NFKBIB: variants seen among roughly 807,000 people sequenced by gnomAD.
NFKBIB encodes NF-kappa-B inhibitor beta.
A neutral mutation model predicts 32.1 loss-of-function variants in NFKBIB; 16 were observed. The ratio of observed to expected loss-of-function variants is 0.50; its 90% CI spans 0.34 to 0.76. The LOEUF is 0.76. Among genes scored for constraint, NFKBIB ranks in the 30% least tolerant of loss-of-function variants. The pLI is 0.01. For missense variants in NFKBIB, 437 were observed against 514.9 expected, an observed-to-expected ratio of 0.85 and a Z score of 1.46; for synonymous variants, 222 against 219.5, an observed-to-expected ratio of 1.01 and a Z score of -0.10.
chr19:38,901,979 A>G (rs1973979395), intron 1 of NFKBIB, among the ~76,000 whole-genome samples: 1 of 149,140 alleles, frequency 6.7e-6, no homozygotes, highest in Non-Finnish European at 1.5e-5. Flanking sequence ...TATTCTACTT[A>G]CCTATGTTTT....
chr19:38,905,981 C>T lies in NFKBIB; in HGVS notation c.619+446C>T. ...ATGGGAAGAAGGGCTCATCTGCCCA[C>T]AGCCCTGACATCCAAGTTTCTGCTC... On this transcript the variant is annotated intron_variant, in intron 3 of 5. Transcript: ENST00000313582. This position sits in a 1 kb window ranked among gnomAD's most constrained non-coding sequence, Gnocchi z 5.5. Among the ~76,000 whole-genome samples the T allele has an allele frequency of 6.6e-6, 1 of 152,132 alleles. No homozygotes were observed. Among genetic ancestry groups the T allele is most frequent in the African/African-American group, 2.4e-5 (1 of 41,418 alleles).
chr19:38,900,069 GCAGATGA>G lies in NFKBIB; in HGVS notation c.38_44del (p.Ala13AspfsTer52). 6.6e-7 allele frequency: 1 copy of G among 1,514,310 alleles called. No homozygotes were observed. Among genetic ancestry groups the G allele is most frequent in the South Asian group, 1.2e-5 (1 of 80,790 alleles). The allele number at this position is 1,514,310 out of a possible 1,614,324, so 93.8% of individuals were successfully genotyped here. Reference sequence around the variant, plus strand: ...CGCGTGCTTGGGAAAAGCTGCCGACGCAGATGAATGGTGCGACAGCGGCCTGGGCTCC... The same window carrying G: ...CGCGTGCTTGGGAAAAGCTGCCGACGATGGTGCGACAGCGGCCTGGGCTCC... On this transcript the variant is annotated frameshift_variant, in exon 1 of 6. Transcript: ENST00000313582. LOFTEE classifies it high-confidence loss of function.
In NFKBIB at chr19:38,907,605, C is replaced by G. The variant is rs35941401; in HGVS notation, c.915C>G (p.Asp305Glu). ...GAGCCCCTGAGCCCGAGGGCGAGGACGAGAAATCCGGCCCCTGCAGCAGCA... is the reference window on the plus strand; with the variant it reads ...GAGCCCCTGAGCCCGAGGGCGAGGAGGAGAAATCCGGCCCCTGCAGCAGCA... ...AHGAPEPEGE[D>E]EKSGPCSSSS... Residue 305 changes from aspartate (D) to glutamate (E), a missense_variant, in exon 5 of 6, where the codon GAC becomes GAG. Transcript: ENST00000313582. 1.6e-5 allele frequency: 25 copies of G among 1,611,646 alleles called. No individual in the cohort carries two copies. The highest frequency in any genetic ancestry group is 2.1e-5 in the Non-Finnish European group (25 of 1,179,392).
intron 1 of NFKBIB, among the ~76,000 whole-genome samples, chr19:38,902,576 T>C (rs1974003656): frequency 2.3e-5 from 1 of 43,542 alleles, no homozygotes; most frequent in African/African-American, 6.4e-5. Context: ...GGCTTTTGTA[T>C]GGTTGTGAGC....
At position 38,907,815 on chromosome 19, in the gene NFKBIB, T is replaced by C. The variant is rs182337122; in HGVS notation, c.969+156T>C. The C allele has an allele frequency of 7.2e-4, 1,032 of 1,430,472 alleles. 17 individuals carry two copies. In the East Asian group the frequency reaches 0.015, roughly 20 times the overall value. The allele number at this position is 1,430,472 out of a possible 1,614,324, so 88.6% of individuals were successfully genotyped here. A position where few individuals can be genotyped will look rare whatever the true frequency, so the allele number is the denominator to read the frequency against. ...CACGGGGCACTAGTCAGGAGAGACC[T>C]GGACAGGGGTGGTGGGAAGAGCTTG... is the stretch of plus-strand genomic sequence containing the variant. On this transcript the variant is annotated intron_variant, in intron 5 of 5. Transcript: ENST00000313582.
chr19:38,904,841 T>C (rs1309014021), intron 1 of NFKBIB, among the ~76,000 whole-genome samples, 174 bp from the exon 2 acceptor site: 1 of 152,168 alleles, frequency 6.6e-6, no homozygotes, highest in Non-Finnish European at 1.5e-5. Flanking sequence ...TGAATAAACA[T>C]TGATTCCACG....
At position 38,908,756 on chromosome 19, in the gene NFKBIB, A is replaced by G. The variant is rs1431939941; in HGVS notation, c.995A>G (p.His332Arg). The G allele has an allele frequency of 1.9e-6, 3 of 1,613,626 alleles. No individual in the cohort carries two copies. The highest frequency in any genetic ancestry group is 2.5e-6 in the Non-Finnish European group (3 of 1,179,914). Residue 332 changes from histidine to arginine, a missense_variant, in exon 6 of 6, where the codon CAC becomes CGC. Physicochemically the swap from His to Arg is conservative, Grantham distance 29 (BLOSUM62 0). Coordinates refer to ENST00000313582, the MANE Select transcript of NFKBIB (RefSeq NM_002503.5). ...GATGAATACGACGACATTGTGGTTC[A>G]CAGCAGCCGCAGCCAAACCCGGCTG... is the stretch of plus-strand genomic sequence containing the variant. ...EGDEYDDIVV[H>R]SSRSQTRLPP...
At chr19:38,899,751 C>T (rs1191889762), upstream of NFKBIB, 32 of 713,068 alleles carry the variant, frequency 4.5e-5, no homozygotes, top group Non-Finnish European at 7.4e-5. Flanking sequence ...TAAGAAAGCG[C>T]GCGAGGACCG....
rs1312653269 is a variant in NFKBIB, at chr19:38,908,431, T to C, written c.970-300T>C. On this transcript the variant is annotated intron_variant, in intron 5 of 5. Coordinates refer to ENST00000313582, the MANE Select transcript of NFKBIB (RefSeq NM_002503.5). The stretch of plus-strand genomic sequence containing the variant: ...GCGCATGCCTATAATCCCAGCTACT[T>C]GGGAGGCTGAGGTAGGAGAATTGCT... The C allele has an allele frequency of 5.5e-5, 47 of 859,002 alleles. No homozygotes were observed. The East Asian group carries it at 2.5e-3, about 45-fold the overall frequency. The allele number at this position is 859,002 out of a possible 1,614,324, so 53.2% of individuals were successfully genotyped here.
At position 38,905,331 on chromosome 19, in the gene NFKBIB, G is replaced by A; in HGVS notation, c.415G>A (p.Ala139Thr). 1 of 1,610,402 alleles carries A rather than the reference G, an allele frequency of 6.2e-7. No individual in the cohort carries two copies. ...TALHLACRVG[A>T]HACARALLQP... ...GCTGCACCTGGCCTGCCGTGTGGGG[G>A]CACACGCCTGTGCCCGTGCCCTGCT... is the stretch of plus-strand genomic sequence containing the variant. The change falls in exon 3 of 6, where the codon GCA becomes ACA. Residue 139 changes from alanine (A) to threonine (T), a missense_variant. Coordinates refer to ENST00000313582, the MANE Select transcript of NFKBIB (RefSeq NM_002503.5). The surrounding 1 kb of genome is among the most constrained non-coding windows in gnomAD (Gnocchi z 5.5).
intron 1 of NFKBIB, among the ~76,000 whole-genome samples, chr19:38,903,262 T>C (rs1476870753): frequency 1.3e-5 from 2 of 152,026 alleles, no homozygotes; most frequent in African/African-American, 2.4e-5. Context: ...CCATTTCACA[T>C]AGAGTAAAAG....
chr19:38,900,247 G>T, intron 1 of NFKBIB, 36 bp downstream of exon 1: 1 of 1,546,458 alleles, frequency 6.5e-7, no homozygotes, highest in African/African-American at 1.4e-5. Context: ...GGAGCCCTAG[G>T]ACCCGGCGTC....
chr19:38,908,849 T>A lies in NFKBIB; in HGVS notation c.*17T>A. ...CCCGTGTGATTTGTTTCATTGTTAA[T>A]ATAATTTCCAGTTTAATAAACAAAA... On this transcript the variant is annotated 3_prime_UTR_variant, in exon 6 of 6. Coordinates refer to ENST00000313582, the MANE Select transcript of NFKBIB (RefSeq NM_002503.5). 2 of 1,610,832 alleles carry A rather than the reference T, an allele frequency of 1.2e-6. No homozygotes were observed. The highest frequency in any genetic ancestry group is 1.7e-4 in the Middle Eastern group (1 of 6,046).
At position 38,905,808 on chromosome 19, in the gene NFKBIB, C is replaced by G. The variant is rs148477227; in HGVS notation, c.619+273C>G. Among the ~76,000 whole-genome samples the G allele has an allele frequency of 2.6e-5, 4 of 152,128 alleles. No individual in the cohort carries two copies. The highest frequency in any genetic ancestry group is 5.9e-5 in the Non-Finnish European group (4 of 68,012). ...GAGCTGCCAGGATCCAGTTGTCGGG[C>G]CCCCGGGCTCCCCACCTGCAGAGTG... On this transcript the variant is annotated intron_variant, in intron 3 of 5. Coordinates refer to ENST00000313582, the MANE Select transcript of NFKBIB (RefSeq NM_002503.5). This position sits in a 1 kb window ranked among gnomAD's most constrained non-coding sequence, Gnocchi z 5.5.
rs1262353240 is a variant in NFKBIB at position 38,907,276 on chromosome 19, G to T, written c.675G>T (p.Leu225=). The T allele has an allele frequency of 6.2e-7, 1 of 1,613,654 alleles. No homozygotes were observed. Among genetic ancestry groups the T allele is most frequent in the Admixed American group, 1.7e-5 (1 of 60,018 alleles). ...ACAAAGATGTGGAGATGGTCCGGCTGCTCCGAGATGCTGGAGCTGACCTTG... is the reference window on the plus strand; with the variant it reads ...ACAAAGATGTGGAGATGGTCCGGCTTCTCCGAGATGCTGGAGCTGACCTTG... ...VIHKDVEMVR[L]LRDAGADLDK... Residue 225 remains leucine, a synonymous_variant, in exon 4 of 6, where the codon CTG becomes CTT. Transcript: ENST00000313582.
chr19:38,905,278 G>C lies in NFKBIB; in HGVS notation c.362G>C (p.Cys121Ser). The change falls in exon 3 of 6, where the codon TGT becomes TCT. Residue 121 changes from cysteine to serine, a missense_variant. By Grantham distance (112) the Cys-to-Ser change is moderately radical (BLOSUM62 -1). Transcript: ENST00000313582. This position sits in a 1 kb window ranked among gnomAD's most constrained non-coding sequence, Gnocchi z 5.5. ...CTGTACGCAGCAGGCGCCGGGCTGT[G>C]TGTGGCGGAGCGTAGGGGCCACACG... ...EKLYAAGAGLCVAERRGHTAL... is the reference protein window; with the variant it reads ...EKLYAAGAGLSVAERRGHTAL... 5 of 1,602,046 alleles carry C rather than the reference G, an allele frequency of 3.1e-6. No homozygotes were observed. Among genetic ancestry groups the C allele is most frequent in the Non-Finnish European group, 4.3e-6 (5 of 1,175,240 alleles).
intron 1 of NFKBIB, among the ~76,000 whole-genome samples, chr19:38,900,983 A>T (rs898212148): frequency 7.3e-6 from 1 of 137,308 alleles, no homozygotes; most frequent in African/African-American, 2.6e-5. Flanking sequence ...AGAAAGTAAG[A>T]AAAGGAAATA....
intron 1 of NFKBIB, among the ~76,000 whole-genome samples, chr19:38,902,084 TC>T (rs1973984595): frequency 1.9e-5 from 2 of 105,052 alleles, no homozygotes; most frequent in Non-Finnish European, 4.0e-5. Flanking sequence ...TCATTTTATT[TC>T]TTTTTTTTTT....
intron 1 of NFKBIB, 90 bp from the exon 2 acceptor site, chr19:38,904,925 C>G (rs1568414112): frequency 8.1e-7 from 1 of 1,230,840 alleles, no homozygotes; most frequent in East Asian, 2.3e-5. Context: ...GGTCACAAGG[C>G]CTAGCATACA....
Sources: gnomAD v4.1 joint callset for allele counts (sites outside exome capture counted in the v4.1 genomes callset) on GRCh38, gnomAD v4.1.1 for gene constraint, Gnocchi (gnomAD v3.1) non-coding constraint, MANE v1.5 for transcripts, NCBI Gene and HGNC (gene_info 2026-07-23, HGNC 2026-07-21) for gene names.